Variants in PCDHA6 observed in about 807,000 individuals in gnomAD.
PCDHA6 encodes protocadherin alpha-6.
In PCDHA6, 55 loss-of-function variants were observed where a neutral mutation model predicts 60.3. The observed-to-expected ratio is 0.91, with a 90% CI of 0.73 to 1.14. The LOEUF (loss-of-function observed/expected upper bound fraction) is 1.14. Ranked by LOEUF, PCDHA6 falls within the 50% of genes most tolerant of loss-of-function variation. The pLI, the probability that PCDHA6 is intolerant of heterozygous loss-of-function variation, is 0.00. For missense variants in PCDHA6, 1,327 were observed against 1,256.5 expected (o/e 1.06, Z -0.85); for synonymous variants, 652 against 557.9 (o/e 1.17, Z -2.38).
chr5:141,009,809 G>T lies in PCDHA6; in HGVS notation c.2725G>T (p.Asp909Tyr), dbSNP rs782057926. The T allele has an allele frequency of 6.2e-7, 1 of 1,613,834 alleles. No homozygotes were observed. Among genetic ancestry groups the T allele is most frequent in the Non-Finnish European group, 8.5e-7 (1 of 1,180,010 alleles). ...GCAGGAGCCTACTAACAGCCAAATT[G>T]ACAAAAGTGACTTCATAACCTTCGG... ...IRQEPTNSQI[D>Y]KSDFITFGKK... The change falls in exon 4 of 4, where the codon GAC becomes TAC. Residue 909 changes from aspartate to tyrosine, a missense_variant. Physicochemically the swap from Asp to Tyr is radical, Grantham distance 160 (BLOSUM62 -3). Coordinates refer to ENST00000529310, the MANE Select transcript of PCDHA6 (RefSeq NM_018909.4).
intron 3 of PCDHA6, 146 bp downstream of exon 3, chr5:140,982,709 A>G (rs2096998107): frequency 2.2e-6 from 3 of 1,375,182 alleles, no homozygotes; most frequent in Admixed American, 2.9e-5. Flanking sequence ...ATTTCCTTAC[A>G]TATATGATTA....
intron 1 of PCDHA6, among the ~76,000 whole-genome samples, chr5:140,970,875 AT>A (rs1213440334): frequency 6.6e-6 from 1 of 152,100 alleles, no homozygotes; most frequent in African/African-American, 2.4e-5. Flanking sequence ...TTGAGAGTAG[AT>A]TTTTCTCATG....
At chr5:140,953,527 A>T (rs531720224) in intron 1 of PCDHA6, among the ~76,000 whole-genome samples, 153 of 152,150 alleles carry the variant, frequency 1.0e-3, no homozygotes, top group African/African-American at 2.9e-3. Flanking sequence ...AAAACGGGAA[A>T]CTCACTTCAT....
chr5:140,902,866 C>T (rs1449193268), intron 1 of PCDHA6, among the ~76,000 whole-genome samples: 1 of 152,186 alleles, frequency 6.6e-6, no homozygotes, highest in Non-Finnish European at 1.5e-5. Context: ...TCCAGGTCCA[C>T]CCAAGCTGCT....
At chr5:140,841,613 C>A in intron 1 of PCDHA6, 3 of 1,614,080 alleles carry the variant, frequency 1.9e-6, no homozygotes, top group Non-Finnish European at 2.5e-6. Context: ...GCTGTGCGGG[C>A]GGAGCGCGGA....
intron 1 of PCDHA6, chr5:140,856,811 G>A: frequency 3.8e-6 from 6 of 1,594,886 alleles, no homozygotes; most frequent in Non-Finnish European, 5.2e-6. Flanking sequence ...TGAAAATCAA[G>A]TGAACCAAAC....
intron 1 of PCDHA6, chr5:140,864,534 T>A (rs1554158965): frequency 6.6e-6 from 1 of 152,246 alleles, no homozygotes; most frequent in Non-Finnish European, 1.5e-5. Flanking sequence ...TTAATTTTTG[T>A]CTTCAATCTT....
Position 140,848,391 on chromosome 5 carries a change from G to A in PCDHA6, c.2394+17906G>A. ...GGCTCAATTCTTTTTCACTCTCTCTGTGCTGAACGATGGCGAACACAGCAG... is the reference window on the plus strand; with the variant it reads ...GGCTCAATTCTTTTTCACTCTCTCTATGCTGAACGATGGCGAACACAGCAG... On this transcript the variant is annotated intron_variant, in intron 1 of 3. Coordinates refer to ENST00000529310, the MANE Select transcript of PCDHA6 (RefSeq NM_018909.4). The A allele has an allele frequency of 2.4e-6, 3 of 1,246,922 alleles. No homozygotes were observed. In the South Asian group the frequency reaches 4.3e-5, roughly 18 times the overall value. 77.2% of individuals were successfully genotyped at this position (1,246,922 alleles called of 1,614,324 possible).
intron 1 of PCDHA6, among the ~76,000 whole-genome samples, chr5:140,902,368 A>G (rs1554190412): frequency 6.6e-6 from 1 of 151,696 alleles, no homozygotes; most frequent in Admixed American, 6.6e-5. Flanking sequence ...TCTCTTGTCT[A>G]ATTGCTCTAG....
chr5:140,834,241 G>C, intron 1 of PCDHA6: 1 of 811,066 alleles, frequency 1.2e-6, no homozygotes, highest in Non-Finnish European at 1.9e-6. Flanking sequence ...ATTCCTTTTC[G>C]CACTGGAAAG....
At chr5:140,912,523 A>G (rs550105639) in intron 1 of PCDHA6, among the ~76,000 whole-genome samples, 1 of 152,248 alleles carries the variant, frequency 6.6e-6, no homozygotes, top group East Asian at 1.9e-4. Context: ...TAGGGTTTTC[A>G]GAGTACATGA....
chr5:140,986,366 G>A (rs149115330), intron 3 of PCDHA6, among the ~76,000 whole-genome samples: 226 of 152,252 alleles, frequency 1.5e-3, no homozygotes, highest in African/African-American at 5.1e-3. Context: ...GGAGGAATGC[G>A]TTTTGGGGGG....
intron 1 of PCDHA6, chr5:140,864,379 T>G (rs991413766): frequency 6.6e-6 from 1 of 152,364 alleles, no homozygotes; most frequent in African/African-American, 2.4e-5. Flanking sequence ...TCGATAAGTT[T>G]ATCTCTCACA....
intron 1 of PCDHA6, among the ~76,000 whole-genome samples, chr5:140,833,361 T>G (rs1376018154): frequency 1.3e-5 from 2 of 152,142 alleles, no homozygotes; most frequent in African/African-American, 2.4e-5. Flanking sequence ...ACGAACACAG[T>G]AAGGTAGATC....
intron 1 of PCDHA6, chr5:140,860,474 TA>T (rs1293657242): frequency 6.6e-6 from 1 of 152,154 alleles, no homozygotes; most frequent in African/African-American, 2.4e-5. Context: ...GTTGGTGCAG[TA>T]GTACTTTATT....
chr5:140,875,654 C>A lies in PCDHA6; in HGVS notation c.2394+45169C>A, dbSNP rs781924559. The stretch of plus-strand genomic sequence containing the variant: ...GGGCTGGAGCTGGCGGAGCTGGTGC[C>A]GCGCCTGTTCCGGGTGGCGTCCAAA... On this transcript the variant is annotated intron_variant, in intron 1 of 3. Transcript: ENST00000529310. 54 of 1,613,584 alleles carry A rather than the reference C, an allele frequency of 3.3e-5. No homozygotes were observed. Among genetic ancestry groups the A allele is most frequent in the African/African-American group, 1.3e-4 (10 of 74,926 alleles).
rs1554150747 is a variant in PCDHA6, at chr5:140,857,851, A to G, written c.2394+27366A>G. 5 of 1,597,646 alleles carry G rather than the reference A, an allele frequency of 3.1e-6. 1 individual carries two copies. Among genetic ancestry groups the G allele is most frequent in the Non-Finnish European group, 4.3e-6 (5 of 1,167,500 alleles). ...TGCGCGCAGTGGACGCTGACTCTGG[A>G]TACAACGCGTGGCTGTCGTATGAAT... On this transcript the variant is annotated intron_variant, in intron 1 of 3. Transcript: ENST00000529310.
chr5:140,876,063 G>T (rs1404065760), intron 1 of PCDHA6: 1 of 1,613,860 alleles, frequency 6.2e-7, no homozygotes, highest in East Asian at 2.2e-5. Flanking sequence ...TAGTTCTTCG[G>T]AAGTTATTGG....
chr5:140,925,371 A>G (rs1266840293), intron 1 of PCDHA6, among the ~76,000 whole-genome samples: 2 of 152,136 alleles, frequency 1.3e-5, no homozygotes, highest in Non-Finnish European at 2.9e-5. Context: ...CATAGTCAAT[A>G]GTCAATGAGT....
Sources: allele counts gnomAD v4.1 joint callset (sites outside exome capture counted in the v4.1 genomes callset), GRCh38; gene constraint gnomAD v4.1.1; transcripts MANE v1.5; gene names NCBI Gene and HGNC (gene_info 2026-07-23, HGNC 2026-07-21).